CPE: variants seen among roughly 807,000 people sequenced by gnomAD.
CPE encodes carbocypeptidase E.
A neutral mutation model predicts 53.5 loss-of-function variants in CPE; 17 were observed. The ratio of observed to expected loss-of-function variants is 0.32; its 90% CI spans 0.22 to 0.48. The LOEUF (loss-of-function observed/expected upper bound fraction) is 0.48, where lower values mean the gene tolerates loss of function less well. Among genes scored for constraint, CPE ranks in the 20% least tolerant of loss-of-function variants. The pLI is 0.99. For missense variants in CPE, 524 were observed against 614.7 expected (o/e 0.85, Z 1.56); for synonymous variants, 226 against 228.8 (o/e 0.99, Z 0.11).
rs1731197663 is a variant in CPE, at chr4:165,420,741, A to G, written c.307+41213A>G. Among the ~76,000 whole-genome samples the G allele has an allele frequency of 2.0e-5, 3 of 152,118 alleles. No homozygotes were observed. In the South Asian group the frequency reaches 6.2e-4, roughly 32 times the overall value. ...TAATGGGAATGGCATTTCTGTGCTC[A>G]TATGCATAGTCAAGCATTCAAATAA... is the stretch of plus-strand genomic sequence containing the variant. On this transcript the variant is annotated intron_variant, in intron 1 of 8. Transcript: ENST00000402744.
intron 3 of CPE, among the ~76,000 whole-genome samples, chr4:165,469,697 G>A (rs140327659): frequency 6.6e-6 from 1 of 152,060 alleles, no homozygotes; most frequent in African/African-American, 2.4e-5. Context: ...TTATACACCT[G>A]TTTTCCCCTT....
At chr4:165,455,863 G>A (rs867646470) in intron 1 of CPE, among the ~76,000 whole-genome samples, 5 of 152,120 alleles carry the variant, frequency 3.3e-5, no homozygotes, top group African/African-American at 1.2e-4. Flanking sequence ...ATGTTGGCCA[G>A]GCTGGTGTGG....
At chr4:165,467,379 C>G (rs1732122582) in intron 2 of CPE, among the ~76,000 whole-genome samples, 1 of 152,178 alleles carries the variant, frequency 6.6e-6, no homozygotes, top group Non-Finnish European at 1.5e-5. Context: ...TAGGCCTACA[C>G]AGGGTCAGGA....
In CPE at chr4:165,487,553, C is replaced by T. The variant is rs758894875; in HGVS notation, c.1089C>T (p.Asn363=). Residue 363 remains asparagine (N), a synonymous_variant, in exon 6 of 9, where the codon AAC becomes AAT. Transcript: ENST00000402744. ...TLKTYWEDNK[N]SLISYLEQIH... ...AGACCTACTGGGAGGATAACAAAAACTCCCTCATTAGCTACCTTGAGCAGG... is the reference window on the plus strand; with the variant it reads ...AGACCTACTGGGAGGATAACAAAAATTCCCTCATTAGCTACCTTGAGCAGG... 5 of 1,614,066 alleles carry T rather than the reference C, an allele frequency of 3.1e-6. No homozygotes were observed. The Admixed American group carries it at 6.7e-5, about 22-fold the overall frequency.
intron 3 of CPE, among the ~76,000 whole-genome samples, chr4:165,480,995 GA>G (rs1732397284): frequency 1.5e-5 from 2 of 132,176 alleles, no homozygotes; most frequent in Non-Finnish European, 3.2e-5. Flanking sequence ...TTCTACAATG[GA>G]TATATATATA....
chr4:165,416,377 C>T (rs1433504227), intron 1 of CPE, among the ~76,000 whole-genome samples: 3 of 152,162 alleles, frequency 2.0e-5, no homozygotes, highest in East Asian at 1.9e-4. Context: ...CACTGCTCCC[C>T]TTAATGCTCT....
chr4:165,429,966 T>C (rs1288784237), intron 1 of CPE, among the ~76,000 whole-genome samples: 1 of 152,130 alleles, frequency 6.6e-6, no homozygotes, highest in East Asian at 1.9e-4. Context: ...CCAGCCCTAA[T>C]CATGTTGGGA....
chr4:165,385,584 G>T (rs1409456836), intron 1 of CPE, among the ~76,000 whole-genome samples: 1 of 151,342 alleles, frequency 6.6e-6, no homozygotes, highest in Non-Finnish European at 1.5e-5. Flanking sequence ...CTGGACTACA[G>T]ATGTGAGCCA....
chr4:165,393,347 A>G (rs907099845), intron 1 of CPE, among the ~76,000 whole-genome samples: 1 of 152,198 alleles, frequency 6.6e-6, no homozygotes, highest in Non-Finnish European at 1.5e-5. Flanking sequence ...CACTATGCAG[A>G]AATATTTAGT....
intron 1 of CPE, among the ~76,000 whole-genome samples, chr4:165,442,019 G>GTTT (rs1388736727): frequency 3.2e-5 from 3 of 94,230 alleles, no homozygotes; most frequent in African/African-American, 1.4e-4. Flanking sequence ...AAGACGGTGA[G>GTTT]TTTGTTTTTT....
At chr4:165,448,916 A>G (rs1004266126) in intron 1 of CPE, among the ~76,000 whole-genome samples, 3 of 152,202 alleles carry the variant, frequency 2.0e-5, no homozygotes, top group African/African-American at 7.2e-5. Flanking sequence ...GAGTTCCAGT[A>G]CTGCTGTGAA....
At chr4:165,441,545 G>A (rs1317378148) in intron 1 of CPE, among the ~76,000 whole-genome samples, 2 of 152,122 alleles carry the variant, frequency 1.3e-5, no homozygotes, top group African/African-American at 2.4e-5. Context: ...TCTAGAACCA[G>A]TCATTATAAC....
intron 1 of CPE, among the ~76,000 whole-genome samples, chr4:165,398,046 A>G (rs1252468423): frequency 8.3e-6 from 1 of 120,090 alleles, no homozygotes; most frequent in Non-Finnish European, 1.7e-5. Context: ...GCAAGTCCTC[A>G]TTTCTAAAAA....
At chr4:165,426,050 C>A (rs1560878261) in intron 1 of CPE, among the ~76,000 whole-genome samples, 1 of 152,198 alleles carries the variant, frequency 6.6e-6, no homozygotes, top group Admixed American at 6.5e-5. Flanking sequence ...TCAGGGCTCT[C>A]ACAAGCTATG....
chr4:165,379,739 GTCCCATCCCCCCAGCACCAA>G lies in CPE; in HGVS notation c.307+219_307+238del, dbSNP rs1303991149. Among the ~76,000 whole-genome samples the G allele has an allele frequency of 2.0e-5, 3 of 152,138 alleles. No individual in the cohort carries two copies. Among genetic ancestry groups the G allele is most frequent in the African/African-American group, 7.2e-5 (3 of 41,446 alleles). The stretch of plus-strand genomic sequence containing the variant: ...CCAGTGGCCCAATTTCTGCTTTCCC[GTCCCATCCCCCCAGCACCAA>G]TCCCATCTCCCCAGACCTTAGGCCA... On this transcript the variant is annotated intron_variant, in intron 1 of 8. Coordinates refer to ENST00000402744, the MANE Select transcript of CPE (RefSeq NM_001873.4). The surrounding 1 kb of genome is among the most constrained non-coding windows in gnomAD (Gnocchi z 6.0).
Position 165,493,160 on chromosome 4 carries a change from G to A in CPE, c.1114-11G>A, listed in dbSNP as rs1001165792. ...TCATATTAATTTTTTGGTTATTTTTGACCTTCACAGATACACCGAGGAGTT... is the reference window on the plus strand; with the variant it reads ...TCATATTAATTTTTTGGTTATTTTTAACCTTCACAGATACACCGAGGAGTT... On this transcript the variant is annotated splice_polypyrimidine_tract_variant and intron_variant, in intron 6 of 8. Transcript: ENST00000402744. 5.0e-6 allele frequency: 8 copies of A among 1,595,120 alleles called. No individual in the cohort carries two copies. Among genetic ancestry groups the A allele is most frequent in the Non-Finnish European group, 6.0e-6 (7 of 1,167,820 alleles).
In CPE at chr4:165,497,825, C is replaced by T. The variant is rs1732729875; in HGVS notation, c.*215C>T. The T allele has an allele frequency of 3.6e-6, 1 of 277,316 alleles. No homozygotes were observed. The highest frequency in any genetic ancestry group is 6.6e-6 in the Non-Finnish European group (1 of 151,758). The allele number at this position is 277,316 out of a possible 1,614,324, so 17.2% of individuals were successfully genotyped here. On this transcript the variant is annotated 3_prime_UTR_variant, in exon 9 of 9. Transcript: ENST00000402744. ...TCTTATATAGTATTCATTTTCCTAC[C>T]TATATTACACAAAAAAGTATAGAAA...
In CPE at chr4:165,403,812, T is replaced by C. The variant is rs146599718; in HGVS notation, c.307+24284T>C. ...GCTCCAGATGGCTCTTGGCTGCCAC[T>C]CTAGGCCTCAGGGCTTATACAATGA... On this transcript the variant is annotated intron_variant, in intron 1 of 8. Transcript: ENST00000402744. Among the ~76,000 whole-genome samples the C allele has an allele frequency of 8.2e-3, 1,250 of 152,180 alleles. 10 individuals carry two copies. Among genetic ancestry groups the C allele is most frequent in the Non-Finnish European group, 0.012 (816 of 67,986 alleles).
chr4:165,419,817 C>T (rs1459223015), intron 1 of CPE, among the ~76,000 whole-genome samples: 1 of 152,170 alleles, frequency 6.6e-6, no homozygotes, highest in Admixed American at 6.5e-5. Flanking sequence ...ATACATCAAA[C>T]ATTTCAAAAA....
Sources: gnomAD v4.1 joint callset for allele counts (sites outside exome capture counted in the v4.1 genomes callset) on GRCh38, gnomAD v4.1.1 for gene constraint, Gnocchi (gnomAD v3.1) non-coding constraint, MANE v1.5 for transcripts, NCBI Gene and HGNC (gene_info 2026-07-23, HGNC 2026-07-21) for gene names.